PFDN5: variants seen among roughly 807,000 people sequenced by gnomAD.
The protein encoded by PFDN5 is prefoldin subunit 5, also known as c-myc binding protein.
A neutral mutation model predicts 21.5 loss-of-function variants in PFDN5; 13 were observed. That is an observed-to-expected ratio of 0.60 (90% confidence interval 0.39 to 0.96). PFDN5 has a LOEUF of 0.96. Ranked by LOEUF, PFDN5 falls within the 40% of genes least tolerant of loss-of-function variation. The probability of loss-of-function intolerance (pLI) is 0.00; values close to 1 mark genes in which losing one functional copy is unlikely to be tolerated. For synonymous variants in PFDN5, 84 were observed against 68.9 expected (o/e 1.22, Z -1.08); for missense variants, 188 against 186.2 (o/e 1.01, Z -0.06).
intron 3 of PFDN5, 52 bp downstream of exon 3, chr12:53,296,327 C>A: frequency 1.4e-6 from 2 of 1,457,018 alleles, no homozygotes; most frequent in Non-Finnish European, 1.9e-6. Context: ...TTCTCCTTCA[C>A]TCCCCCAAAA....
chr12:53,299,162 C>G (rs994831012), intron 5 of PFDN5, 107 bp from the exon 6 acceptor site: 4 of 562,488 alleles, frequency 7.1e-6, no homozygotes, highest in Non-Finnish European at 1.3e-5. Flanking sequence ...AGGTTATTAA[C>G]AAACTGTAGT....
chr12:53,295,928 C>A lies in PFDN5; in HGVS notation c.162C>A (p.Asn54Lys). The change falls in exon 2 of 6, where the codon AAC becomes AAA. Residue 54 changes from asparagine (N) to lysine (K), a missense_variant. By Grantham distance (94) the Asn-to-Lys change is moderately conservative. Transcript: ENST00000334478. ...CCAAGGACTGTCTGAACGTGCTGAACAAGAGCAACGAGGGTATGGGGTAGG... is the reference window on the plus strand; with the variant it reads ...CCAAGGACTGTCTGAACGTGCTGAAAAAGAGCAACGAGGGTATGGGGTAGG... Reference protein sequence around the residue: ...VEAKDCLNVLNKSNEGKELLV... With the variant: ...VEAKDCLNVLKKSNEGKELLV... 6.2e-7 allele frequency: 1 copy of A among 1,606,414 alleles called. No homozygotes were observed. The highest frequency in any genetic ancestry group is 8.5e-7 in the Non-Finnish European group (1 of 1,173,078).
intron 2 of PFDN5, 133 bp downstream of exon 2, chr12:53,296,074 A>G (rs895236951): frequency 5.1e-6 from 4 of 777,970 alleles, no homozygotes; most frequent in African/African-American, 1.7e-5. Flanking sequence ...AACCCTTTGC[A>G]TGTTGCCTGC....
intron 5 of PFDN5, 145 bp downstream of exon 5, chr12:53,298,295 A>C (rs997029412): frequency 3.2e-6 from 2 of 620,732 alleles, no homozygotes; most frequent in African/African-American, 3.7e-5. Context: ...TGTATTGCAT[A>C]ATCACTATCT....
rs1944140300 is a variant in PFDN5 at position 53,295,619 on chromosome 12, C to G, written c.52C>G (p.Leu18Val). 6.2e-7 allele frequency: 1 copy of G among 1,613,844 alleles called. No individual in the cohort carries two copies. Residue 18 changes from leucine (L) to valine (V), a missense_variant, in exon 1 of 6, where the codon CTC (leucine) becomes GTC (valine). Physicochemically the swap from Leu to Val is conservative, Grantham distance 32 (BLOSUM62 1). Coordinates refer to ENST00000334478, the MANE Select transcript of PFDN5 (RefSeq NM_002624.4). ...GCTGAATCTGCCGCAGCTAGAAATG[C>G]TCAAGAACCAGCTGGACCAGGTGGG... is the stretch of plus-strand genomic sequence containing the variant. ...TELNLPQLEM[L>V]KNQLDQEVEF...
At position 53,296,234 on chromosome 12, in the gene PFDN5, G is replaced by T. The variant is rs929539538; in HGVS notation, c.176-10G>T. On this transcript the variant is annotated splice_polypyrimidine_tract_variant and intron_variant, in intron 2 of 5. Coordinates refer to ENST00000334478, the MANE Select transcript of PFDN5 (RefSeq NM_002624.4). ...CCTTCCCCAGGTGTTTGTCTTCATT[G>T]CTTTCACAGGGAAAGAATTACTCGT... The T allele has an allele frequency of 6.2e-7, 1 of 1,608,982 alleles. No individual in the cohort carries two copies. Among genetic ancestry groups the T allele is most frequent in the Non-Finnish European group, 8.5e-7 (1 of 1,177,124 alleles).
Position 53,296,231 on chromosome 12 carries a change from A to G in PFDN5, c.176-13A>G. 1 of 1,609,268 alleles carries G rather than the reference A, an allele frequency of 6.2e-7. No homozygotes were observed. The highest frequency in any genetic ancestry group is 1.7e-5 in the Admixed American group (1 of 59,688). ...TAACCTTCCCCAGGTGTTTGTCTTCATTGCTTTCACAGGGAAAGAATTACT... is the reference window on the plus strand; with the variant it reads ...TAACCTTCCCCAGGTGTTTGTCTTCGTTGCTTTCACAGGGAAAGAATTACT... On this transcript the variant is annotated splice_polypyrimidine_tract_variant and intron_variant, in intron 2 of 5. Transcript: ENST00000334478.
chr12:53,295,566 A>C lies in PFDN5; in HGVS notation c.-2A>C. 6.2e-7 allele frequency: 1 copy of C among 1,613,026 alleles called. No individual in the cohort carries two copies. ...CCTCTTCGTTAAGTCGGCCTTCCCA[A>C]CATGGCGCAGTCTATTAACATCACG... is the stretch of plus-strand genomic sequence containing the variant. On this transcript the variant is annotated 5_prime_UTR_variant, in exon 1 of 6. Coordinates refer to ENST00000334478, the MANE Select transcript of PFDN5 (RefSeq NM_002624.4).
In PFDN5 at chr12:53,298,720, GT is replaced by G. The variant is rs568715337; in HGVS notation, c.389-537del. On this transcript the variant is annotated intron_variant, in intron 5 of 5. Transcript: ENST00000334478. ...TCGTTTTTATATCTTTGGTTAGCAG[GT>G]TTTTTTTTTTTCCGAGAAGAGTCTC... The G allele has an allele frequency of 2.9e-3, 434 of 148,504 alleles. 8 individuals are homozygous for G. In the South Asian group the frequency reaches 0.052, roughly 18 times the overall value. The allele number at this position is 148,504 out of a possible 1,614,324, so 9.2% of individuals were successfully genotyped here.
At position 53,298,048 on chromosome 12, in the gene PFDN5, G is replaced by A. The variant is rs772527648; in HGVS notation, c.286G>A (p.Ala96Thr). 7 of 1,609,294 alleles carry A rather than the reference G, an allele frequency of 4.3e-6. No homozygotes were observed. In the South Asian group the frequency reaches 7.7e-5, roughly 18 times the overall value. ...VGTGYYVEKT[A>T]EDAKDFFKRK... ...TTATTCACCTCTGATCTTGTAGACA[G>A]CTGAGGATGCCAAGGACTTCTTCAA... is the stretch of plus-strand genomic sequence containing the variant. The change falls in exon 5 of 6, where the codon GCT becomes ACT. Residue 96 changes from alanine to threonine, a missense_variant. By Grantham distance (58) the Ala-to-Thr change is moderately conservative. Coordinates refer to ENST00000334478, the MANE Select transcript of PFDN5 (RefSeq NM_002624.4).
chr12:53,295,560 T>C lies in PFDN5; in HGVS notation c.-8T>C. On this transcript the variant is annotated 5_prime_UTR_variant, in exon 1 of 6. Transcript: ENST00000334478. ...AGACTTCCTCTTCGTTAAGTCGGCC[T>C]TCCCAACATGGCGCAGTCTATTAAC... is the stretch of plus-strand genomic sequence containing the variant. The C allele has an allele frequency of 1.2e-6, 2 of 1,611,848 alleles. No homozygotes were observed. The highest frequency in any genetic ancestry group is 1.7e-6 in the Non-Finnish European group (2 of 1,178,320).
chr12:53,296,429 G>C (rs748649378), intron 3 of PFDN5, 154 bp downstream of exon 3: 1 of 723,776 alleles, frequency 1.4e-6, no homozygotes. Context: ...TCTTTTTTGA[G>C]ACGGAATTTC....
chr12:53,299,077 T>C (rs1270976107), intron 5 of PFDN5, 192 bp from the exon 6 acceptor site: 2 of 412,914 alleles, frequency 4.8e-6, no homozygotes, highest in East Asian at 5.2e-5. Context: ...CGGAGGTTGC[T>C]GTGAGCCAAG....
In PFDN5 at chr12:53,299,408, G is replaced by T. The variant is rs938668903; in HGVS notation, c.*63G>T. Reference sequence around the variant, plus strand: ...GGCGTGGCTTCCTGGTGATGGGAAGGGTCTTGTGTTTTAATGCCAATAAAT... The same window carrying T: ...GGCGTGGCTTCCTGGTGATGGGAAGTGTCTTGTGTTTTAATGCCAATAAAT... On this transcript the variant is annotated 3_prime_UTR_variant, in exon 6 of 6. Transcript: ENST00000334478. The T allele has an allele frequency of 9.4e-7, 1 of 1,067,350 alleles. No homozygotes were observed. The highest frequency in any genetic ancestry group is 1.6e-5 in the African/African-American group (1 of 63,794). The allele number at this position is 1,067,350 out of a possible 1,614,324, so 66.1% of individuals were successfully genotyped here.
chr12:53,297,988 C>T (rs1300712166), intron 4 of PFDN5, 57 bp from the exon 5 acceptor site: 13 of 1,557,624 alleles, frequency 8.3e-6, no homozygotes, highest in Middle Eastern at 1.7e-4. Context: ...AGCTCTAGAG[C>T]GCAGCATGGC....
In PFDN5 at chr12:53,297,873, T is replaced by A; in HGVS notation, c.231T>A (p.His77Gln). Residue 77 changes from histidine to glutamine, a missense_variant, in exon 4 of 6, where the codon CAT becomes CAA. Transcript: ENST00000334478. ...TSSMYVPGKL[H>Q]DVEHVLIDVG... ...AGATGTATGTCCCTGGGAAGCTGCATGATGTGGAACACGTGCTCATCGATG... is the reference window on the plus strand; with the variant it reads ...AGATGTATGTCCCTGGGAAGCTGCAAGATGTGGAACACGTGCTCATCGATG... The A allele has an allele frequency of 1.9e-6, 3 of 1,612,854 alleles. No individual in the cohort carries two copies. Among genetic ancestry groups the A allele is most frequent in the Non-Finnish European group, 2.5e-6 (3 of 1,179,584 alleles).
intron 3 of PFDN5, 118 bp from the exon 4 acceptor site, chr12:53,297,732 G>A: frequency 4.0e-6 from 3 of 744,752 alleles, no homozygotes; most frequent in Non-Finnish European, 7.4e-6. Flanking sequence ...AGATTATTCA[G>A]TCCTTATGCC....
chr12:53,297,389 A>G (rs889107606), intron 3 of PFDN5: 4 of 161,388 alleles, frequency 2.5e-5, no homozygotes, highest in South Asian at 1.5e-4. Context: ...ATAGCGGGCA[A>G]TTGCACTCCA....
chr12:53,299,222 G>A (rs766620987), intron 5 of PFDN5, 47 bp from the exon 6 acceptor site: 2 of 1,321,328 alleles, frequency 1.5e-6, no homozygotes, highest in South Asian at 1.2e-5. Flanking sequence ...CTTAACTCTA[G>A]GTTCTCCTTT....
Sources: allele counts gnomAD v4.1 joint callset, GRCh38; gene constraint gnomAD v4.1.1; transcripts MANE v1.5; gene names NCBI Gene and HGNC (gene_info 2026-07-23, HGNC 2026-07-21).